Variants in ANXA7 observed in about 807,000 individuals in gnomAD.
ANXA7 encodes annexin VII.
ANXA7 carries 55 observed loss-of-function variants against 64.9 expected under a neutral mutation model. The ratio of observed to expected loss-of-function variants is 0.85; its 90% CI spans 0.68 to 1.06. The LOEUF (loss-of-function observed/expected upper bound fraction) is 1.06. Among genes scored for constraint, ANXA7 ranks in the 50% least tolerant of loss-of-function variants. ANXA7 has a pLI of 0.00. For synonymous variants in ANXA7, 200 were observed against 192.4 expected, an observed-to-expected ratio of 1.04 and a Z score of -0.33; for missense variants, 548 against 582.1, an observed-to-expected ratio of 0.94 and a Z score of 0.60.
At position 73,398,198 on chromosome 10, in the gene ANXA7, G is replaced by A; in HGVS notation, c.242C>T (p.Ala81Val). The A allele has an allele frequency of 1.2e-6, 2 of 1,612,348 alleles. No homozygotes were observed. The highest frequency in any genetic ancestry group is 1.7e-6 in the Non-Finnish European group (2 of 1,178,920). The change falls in exon 3 of 13, where the codon GCT (alanine) becomes GTT (valine). Residue 81 changes from alanine to valine, a missense_variant. Transcript: ENST00000372921. ...TAACTCACCTCCGGGATAGGATGGA[G>A]CTCCCCCTGGCTGTGGGGCACCAGG... ...GYPGAPQPGG[A>V]PSYPGVPPGQ...
At chr10:73,382,994 CA>C (rs1391480006) in intron 9 of ANXA7, among the ~76,000 whole-genome samples, 180 bp downstream of exon 9, 4 of 152,138 alleles carry the variant, frequency 2.6e-5, no homozygotes, top group African/African-American at 9.7e-5. Flanking sequence ...GCCAGATTTA[CA>C]GGAATAAATC....
intron 7 of ANXA7, 84 bp downstream of exon 7, chr10:73,387,605 T>A: frequency 9.6e-7 from 1 of 1,042,394 alleles, no homozygotes; most frequent in Non-Finnish European, 1.5e-6. Context: ...CCACAGGTAC[T>A]AATCAAAATA....
At position 73,380,523 on chromosome 10, in the gene ANXA7, C is replaced by T. The variant is rs185105230; in HGVS notation, c.919-322G>A. Among the ~76,000 whole-genome samples, 140 of 152,254 alleles carry T rather than the reference C, an allele frequency of 9.2e-4. 1 individual carries two copies. Among genetic ancestry groups the T allele is most frequent in the Admixed American group, 8.5e-4 (13 of 15,302 alleles). Reference sequence around the variant, plus strand: ...TCCTGGGCTTAAGTGATCCTCCTGCCTTAGCCTCCTAAAGTGCTGGGATTA... The same window carrying T: ...TCCTGGGCTTAAGTGATCCTCCTGCTTTAGCCTCCTAAAGTGCTGGGATTA... On this transcript the variant is annotated intron_variant, in intron 9 of 12. Transcript: ENST00000372921.
At chr10:73,396,124 A>G in intron 5 of ANXA7, 1 of 1,530,366 alleles carries the variant, frequency 6.5e-7, no homozygotes, top group Non-Finnish European at 9.0e-7. Context: ...AAAAAGAGTG[A>G]AAAGTTATAA....
At chr10:73,408,160 A>G (rs904156966) in intron 1 of ANXA7, 1 of 152,244 alleles carries the variant, frequency 6.6e-6, no homozygotes, top group African/African-American at 2.4e-5. Flanking sequence ...CCCTACAAAA[A>G]TATTTTAAAA....
chr10:73,386,648 T>C (rs182768521), intron 7 of ANXA7, among the ~76,000 whole-genome samples: 375 of 152,254 alleles, frequency 2.5e-3, no homozygotes, highest in African/African-American at 8.5e-3. Flanking sequence ...TCATGGCGTG[T>C]ACAGAGAATG....
intron 5 of ANXA7, among the ~76,000 whole-genome samples, chr10:73,393,261 A>G (rs1012047617): frequency 2.0e-5 from 3 of 152,340 alleles, no homozygotes; most frequent in Admixed American, 1.3e-4. Flanking sequence ...AAGAATCAAT[A>G]TCGTGAAAAT....
chr10:73,412,534 C>T (rs1357401060), intron 1 of ANXA7, among the ~76,000 whole-genome samples: 8 of 149,762 alleles, frequency 5.3e-5, no homozygotes, highest in South Asian at 2.1e-4. Flanking sequence ...TTCTCTCTGC[C>T]GCCCAGGCTG....
At chr10:73,377,633 T>G (rs2055195008) in intron 12 of ANXA7, 1 of 150,562 alleles carries the variant, frequency 6.6e-6, no homozygotes, top group Non-Finnish European at 1.5e-5. Context: ...GGTATTTTTT[T>G]GACACAGGGT....
At chr10:73,402,914 C>T (rs2055692257) in intron 1 of ANXA7, among the ~76,000 whole-genome samples, 1 of 152,056 alleles carries the variant, frequency 6.6e-6, no homozygotes, top group East Asian at 1.9e-4. Flanking sequence ...AACCTCTGCC[C>T]CTTGGGTTCA....
intron 1 of ANXA7, among the ~76,000 whole-genome samples, chr10:73,405,288 AC>A (rs1354394837): frequency 6.8e-6 from 1 of 147,264 alleles, no homozygotes; most frequent in Non-Finnish European, 1.5e-5. Flanking sequence ...CCTGTAATAC[AC>A]CCAGCACTTT....
chr10:73,394,131 C>A (rs1170672120), intron 5 of ANXA7, among the ~76,000 whole-genome samples: 5 of 152,196 alleles, frequency 3.3e-5, no homozygotes, highest in Non-Finnish European at 7.3e-5. Context: ...CACTGGCCAT[C>A]AGAGAAATGC....
chr10:73,380,410 C>T (rs1172401115), intron 9 of ANXA7, among the ~76,000 whole-genome samples: 1 of 151,954 alleles, frequency 6.6e-6, no homozygotes, highest in Non-Finnish European at 1.5e-5. Context: ...GCTGGGACTA[C>T]AGGCACAAAC....
chr10:73,376,689 T>C (rs1236623693), intron 12 of ANXA7, among the ~76,000 whole-genome samples: 1 of 151,850 alleles, frequency 6.6e-6, no homozygotes, highest in Non-Finnish European at 1.5e-5. Flanking sequence ...TCAAAATAAG[T>C]GAAAGTAGAC....
At position 73,379,920 on chromosome 10, in the gene ANXA7, C is replaced by T. The variant is rs375654942; in HGVS notation, c.1124G>A (p.Arg375His). Residue 375 changes from arginine to histidine, a missense_variant, in exon 11 of 13, where the codon CGT (arginine) becomes CAT (histidine). Coordinates refer to ENST00000372921, the MANE Select transcript of ANXA7 (RefSeq NM_001156.5). The part of the protein sequence containing the change: ...ANRDLLSSVS[R>H]EFSGYVESGL... Reference sequence around the variant, plus strand: ...ACTTTCTACATATCCGGAAAACTCACGGCTCACACTGCTTAACAAGTCTCG... The same window carrying T: ...ACTTTCTACATATCCGGAAAACTCATGGCTCACACTGCTTAACAAGTCTCG... 8.4e-5 allele frequency: 136 copies of T among 1,614,060 alleles called. No individual in the cohort carries two copies. The highest frequency in any genetic ancestry group is 5.2e-4 in the Admixed American group (31 of 59,988).
rs1218925561 is a variant in ANXA7 at position 73,383,568 on chromosome 10, T to C, written c.747+9A>G. On this transcript the variant is annotated intron_variant, in intron 8 of 12. Transcript: ENST00000372921. The stretch of plus-strand genomic sequence containing the variant: ...CAAAATATTCATAATAAATGACATA[T>C]AGTAGTACCTGCATTGCTTTCCGTA... The C allele has an allele frequency of 1.8e-5, 28 of 1,575,304 alleles. No homozygotes were observed. The highest frequency in any genetic ancestry group is 2.0e-5 in the Non-Finnish European group (23 of 1,145,324).
rs576345149 is a variant in ANXA7 at position 73,393,874 on chromosome 10, C to T, written c.435+2645G>A. Among the ~76,000 whole-genome samples, 5 of 152,180 alleles carry T rather than the reference C, an allele frequency of 3.3e-5. No homozygotes were observed. The East Asian group carries it at 7.7e-4, about 23-fold the overall frequency. On this transcript the variant is annotated intron_variant, in intron 5 of 12. Coordinates refer to ENST00000372921, the MANE Select transcript of ANXA7 (RefSeq NM_001156.5). Reference sequence around the variant, plus strand: ...ATTAAGAAATGGGATCTAATTAAACCAAAGAGCTTCTGCACGGCAAAAGAA... The same window carrying T: ...ATTAAGAAATGGGATCTAATTAAACTAAAGAGCTTCTGCACGGCAAAAGAA...
At position 73,383,693 on chromosome 10, in the gene ANXA7, A is replaced by T. The variant is rs1564523061; in HGVS notation, c.634-3T>A. On this transcript the variant is annotated splice_polypyrimidine_tract_variant and splice_region_variant and intron_variant, in intron 7 of 12. Transcript: ENST00000372921. ...GATTTGAGATCTTTGATTAAATCCTATTTAATCACAAATACAAGCTAAGTA... is the reference window on the plus strand; with the variant it reads ...GATTTGAGATCTTTGATTAAATCCTTTTTAATCACAAATACAAGCTAAGTA... 6.3e-7 allele frequency: 1 copy of T among 1,577,482 alleles called. No individual in the cohort carries two copies. The highest frequency in any genetic ancestry group is 1.7e-5 in the Admixed American group (1 of 59,756).
chr10:73,399,654 C>G (rs1389998671), intron 2 of ANXA7, among the ~76,000 whole-genome samples: 1 of 151,766 alleles, frequency 6.6e-6, no homozygotes, highest in Non-Finnish European at 1.5e-5. Context: ...AACCCCATCT[C>G]TACTAAAAAT....
Sources: gnomAD v4.1 joint callset for allele counts (sites outside exome capture counted in the v4.1 genomes callset) on GRCh38, gnomAD v4.1.1 for gene constraint, MANE v1.5 for transcripts, NCBI Gene and HGNC (gene_info 2026-07-23, HGNC 2026-07-21) for gene names.